The following DPP6 variants were observed in gnomAD, a reference collection of about 807,000 sequenced individuals.
DPP6 encodes A-type potassium channel modulatory protein DPP6.
Under a neutral mutation model 122.6 loss-of-function variants are expected in DPP6, and 69 were observed. That is an observed-to-expected ratio of 0.56 (90% confidence interval 0.46 to 0.69). DPP6 has a LOEUF of 0.69. Among genes scored for constraint, DPP6 ranks in the 30% least tolerant of loss-of-function variants. The pLI is 0.00. For synonymous variants in DPP6, 418 were observed against 433.1 expected, an observed-to-expected ratio of 0.97 and a Z score of 0.43; for missense variants, 928 against 1,116.9, an observed-to-expected ratio of 0.83 and a Z score of 2.41.
intron 10 of DPP6, among the ~76,000 whole-genome samples, chr7:154,789,977 C>G (rs1430341430): frequency 1.3e-5 from 2 of 152,222 alleles, no homozygotes; most frequent in Admixed American, 6.5e-5. Flanking sequence ...GCAGGTGGAT[C>G]ACTTGAGGCC....
chr7:153,795,707 C>A, the DPP6 span, among the ~76,000 whole-genome samples: 1 of 151,932 alleles, frequency 6.6e-6, no homozygotes, highest in Non-Finnish European at 1.5e-5. Flanking sequence ...TGATTTGAAA[C>A]CTGTGCTCTA....
At chr7:154,754,133 G>A (rs1013922542) in intron 8 of DPP6, among the ~76,000 whole-genome samples, 1 of 152,104 alleles carries the variant, frequency 6.6e-6, no homozygotes, top group African/African-American at 2.4e-5. Context: ...AAATATTTGT[G>A]CAGAATATCT....
At chr7:154,459,333 G>A (rs1166224329) in intron 2 of DPP6, among the ~76,000 whole-genome samples, 1 of 152,098 alleles carries the variant, frequency 6.6e-6, no homozygotes, top group Non-Finnish European at 1.5e-5. Flanking sequence ...TTCCCTATTG[G>A]GAGCACACTA....
chr7:154,410,823 G>C (rs532580250), intron 1 of DPP6, among the ~76,000 whole-genome samples: 11 of 152,174 alleles, frequency 7.2e-5, no homozygotes, highest in Non-Finnish European at 1.6e-4. Flanking sequence ...TGATTTGCTA[G>C]ATTAAAAAGC....
chr7:154,727,392 C>G (rs1047237891), intron 7 of DPP6, among the ~76,000 whole-genome samples: 1 of 152,170 alleles, frequency 6.6e-6, no homozygotes, highest in Non-Finnish European at 1.5e-5. Flanking sequence ...AAATCTAGCC[C>G]CATGATCCAG....
chr7:154,060,017 G>A (rs1367478236), intron 1 of DPP6, among the ~76,000 whole-genome samples: 2 of 151,754 alleles, frequency 1.3e-5, no homozygotes, highest in Non-Finnish European at 2.9e-5. Context: ...TCGCGGGAGG[G>A]GAGGCACCCC....
At chr7:154,706,097 C>T (rs546613328) in intron 7 of DPP6, among the ~76,000 whole-genome samples, 9 of 152,302 alleles carry the variant, frequency 5.9e-5, no homozygotes, top group African/African-American at 1.7e-4. Flanking sequence ...TGACAACCAG[C>T]GCCCTTCAGT....
chr7:154,827,709 C>A (rs10235485), intron 16 of DPP6, among the ~76,000 whole-genome samples: 3,908 of 99,272 alleles, frequency 0.039, 279 homozygotes, highest in African/African-American at 0.16. Context: ...GGGTGTCTCC[C>A]AGAAAGGACG....
chr7:153,965,638 G>T (rs574760071), intron 1 of DPP6, among the ~76,000 whole-genome samples: 2 of 152,010 alleles, frequency 1.3e-5, no homozygotes, highest in Admixed American at 1.3e-4. Context: ...TCAGCCTCCC[G>T]AGTAGCTGGG....
At chr7:154,016,211 T>C (rs1257734481) in intron 1 of DPP6, among the ~76,000 whole-genome samples, 1 of 152,196 alleles carries the variant, frequency 6.6e-6, no homozygotes, top group Non-Finnish European at 1.5e-5. Flanking sequence ...TCTTGTTTTA[T>C]CTTCTTCTCA....
At chr7:154,738,878 G>T (rs961413199) in intron 8 of DPP6, among the ~76,000 whole-genome samples, 3 of 152,164 alleles carry the variant, frequency 2.0e-5, no homozygotes, top group Admixed American at 2.0e-4. Flanking sequence ...CCTGCTGTGG[G>T]TAGCAAAAAA....
At chr7:154,610,139 C>T (rs1326971540) in intron 5 of DPP6, among the ~76,000 whole-genome samples, 9 of 152,124 alleles carry the variant, frequency 5.9e-5, no homozygotes, top group Non-Finnish European at 1.2e-4. Flanking sequence ...GAATATCCCT[C>T]GCCTTACCTT....
chr7:154,362,580 A>ATTTT (rs35131020), intron 1 of DPP6, among the ~76,000 whole-genome samples: 2,214 of 133,140 alleles, frequency 0.017, 62 homozygotes, highest in African/African-American at 0.058. Flanking sequence ...ATGCCATGCT[A>ATTTT]TTTTTTTTTT....
At chr7:154,669,788 G>A (rs1347884698) in intron 7 of DPP6, among the ~76,000 whole-genome samples, 7 of 151,956 alleles carry the variant, frequency 4.6e-5, no homozygotes, top group Non-Finnish European at 7.4e-5. Context: ...AGAATGATCC[G>A]AATGATTTTG....
intron 1 of DPP6, among the ~76,000 whole-genome samples, chr7:154,041,963 T>G: frequency 6.6e-6 from 1 of 152,178 alleles, no homozygotes. Flanking sequence ...TTCACCATGT[T>G]GGCCAGGATG....
intron 3 of DPP6, among the ~76,000 whole-genome samples, chr7:154,517,615 G>A (rs1051232624): frequency 1.3e-5 from 2 of 152,042 alleles, no homozygotes; most frequent in Non-Finnish European, 2.9e-5. Context: ...TTAGTTCCTA[G>A]CATAAATAAA....
At chr7:154,682,759 A>T (rs927128914) in intron 7 of DPP6, among the ~76,000 whole-genome samples, 1 of 152,212 alleles carries the variant, frequency 6.6e-6, no homozygotes, top group Admixed American at 6.5e-5. Context: ...TCAATACTGG[A>T]TACTAACGTA....
At chr7:154,464,005 G>C (rs1245645869) in intron 2 of DPP6, among the ~76,000 whole-genome samples, 1 of 152,158 alleles carries the variant, frequency 6.6e-6, no homozygotes, top group Non-Finnish European at 1.5e-5. Context: ...TACTGGCTCT[G>C]AGCCAAGAAC....
chr7:154,861,523 C>T (rs1214583397), intron 17 of DPP6, among the ~76,000 whole-genome samples: 2 of 152,160 alleles, frequency 1.3e-5, no homozygotes, highest in African/African-American at 4.8e-5. Flanking sequence ...CCCCAGAATT[C>T]TGTCCTAACG....
Sources: gnomAD v4.1 joint callset for allele counts (sites outside exome capture counted in the v4.1 genomes callset) on GRCh38, gnomAD v4.1.1 for gene constraint, MANE v1.5 for transcripts, NCBI Gene and HGNC (gene_info 2026-07-23, HGNC 2026-07-21) for gene names.